Variants in DCAF12 observed in about 807,000 individuals in gnomAD.
The protein encoded by DCAF12 is DDB1 and CUL4 associated factor 12.
DCAF12 carries 28 observed loss-of-function variants against 52.8 expected under a neutral mutation model. The ratio of observed to expected loss-of-function variants is 0.53; its 90% CI spans 0.39 to 0.73. DCAF12 has a LOEUF of 0.73. DCAF12 is among the 30% of genes least tolerant of loss of function. The pLI is 0.00. For synonymous variants in DCAF12, 196 were observed against 215.5 expected, an observed-to-expected ratio of 0.91 and a Z score of 0.79; for missense variants, 425 against 552.2, an observed-to-expected ratio of 0.77 and a Z score of 2.31.
chr9:34,125,421 A>G (rs1329184944), intron 1 of DCAF12, 144 bp from the exon 2 acceptor site: 1 of 990,368 alleles, frequency 1.0e-6, no homozygotes. Flanking sequence ...CAAGAATCTC[A>G]ATCCAGAAAG....
chr9:34,114,399 C>T (rs934092274), intron 2 of DCAF12, among the ~76,000 whole-genome samples: 5 of 152,124 alleles, frequency 3.3e-5, no homozygotes, highest in African/African-American at 4.8e-5. Flanking sequence ...CTTGTCTCTA[C>T]TAAAAATCCA....
intron 2 of DCAF12, among the ~76,000 whole-genome samples, chr9:34,114,983 A>G (rs1829062219): frequency 6.6e-6 from 1 of 152,084 alleles, no homozygotes; most frequent in Non-Finnish European, 1.5e-5. Flanking sequence ...CAAAAAACAC[A>G]AAAACAAAAA....
Position 34,103,654 on chromosome 9 carries a change from C to T in DCAF12, c.601+2780G>A, listed in dbSNP as rs1480554114. Among the ~76,000 whole-genome samples, 30 of 151,966 alleles carry T rather than the reference C, an allele frequency of 2.0e-4. 2 individuals carry two copies. Among genetic ancestry groups the T allele is most frequent in the Admixed American group, 2.0e-3 (30 of 15,228 alleles). On this transcript the variant is annotated intron_variant, in intron 4 of 8. Coordinates refer to ENST00000361264, the MANE Select transcript of DCAF12 (RefSeq NM_015397.4). ...GGATCGCTTGAGCCTAGGAGTTTGA[C>T]AGCAGCCTGGGCAACAAAGCGAGAC...
chr9:34,113,988 G>C (rs929379960), intron 2 of DCAF12, among the ~76,000 whole-genome samples: 5 of 151,966 alleles, frequency 3.3e-5, no homozygotes, highest in Non-Finnish European at 7.4e-5. Flanking sequence ...GGTACCTGTA[G>C]TCCCAGCTAC....
At chr9:34,115,815 C>A (rs899924356) in intron 2 of DCAF12, among the ~76,000 whole-genome samples, 2 of 152,068 alleles carry the variant, frequency 1.3e-5, no homozygotes, top group Non-Finnish European at 2.9e-5. Flanking sequence ...TGGGCTCAGG[C>A]AATCCTCCCG....
intron 2 of DCAF12, among the ~76,000 whole-genome samples, chr9:34,115,078 C>A (rs11788468): frequency 0.012 from 1,862 of 152,056 alleles, 10 homozygotes; most frequent in Non-Finnish European, 0.017. Context: ...AGTAATTCTA[C>A]GCAGGTCACA....
intron 2 of DCAF12, among the ~76,000 whole-genome samples, chr9:34,115,784 C>T (rs1313476053): frequency 6.6e-6 from 1 of 151,754 alleles, no homozygotes. Context: ...CTTTGTTGCC[C>T]ATGTTGTAAT....
Position 34,125,258 on chromosome 9 carries a change from A to G in DCAF12, c.98T>C (p.Leu33Pro), listed in dbSNP as rs1187835339. Reference sequence around the variant, plus strand: ...AGGAGGAAGTCTTTTCCTTTTGTGAAGCGAGTGATCCCAGCCAAACTGTGG... The same window carrying G: ...AGGAGGAAGTCTTTTCCTTTTGTGAGGCGAGTGATCCCAGCCAAACTGTGG... ...QGPQFGWDHS[L>P]HKRKRLPPVK... Residue 33 changes from leucine (L) to proline (P), a missense_variant, in exon 2 of 9, where the codon CTT (leucine) becomes CCT (proline). Physicochemically the swap from Leu to Pro is moderately conservative, Grantham distance 98. Coordinates refer to ENST00000361264, the MANE Select transcript of DCAF12 (RefSeq NM_015397.4). 1.2e-6 allele frequency: 2 copies of G among 1,614,168 alleles called. No homozygotes were observed. Among genetic ancestry groups the G allele is most frequent in the Non-Finnish European group, 1.7e-6 (2 of 1,180,024 alleles).
At chr9:34,115,634 C>T (rs1033693299) in intron 2 of DCAF12, among the ~76,000 whole-genome samples, 1 of 150,936 alleles carries the variant, frequency 6.6e-6, no homozygotes, top group Non-Finnish European at 1.5e-5. Context: ...ATAGCAGGAC[C>T]CTATAGTCTC....
intron 5 of DCAF12, 25 bp from the exon 6 acceptor site, chr9:34,096,806 T>A: frequency 6.2e-7 from 1 of 1,605,774 alleles, no homozygotes; most frequent in Non-Finnish European, 8.5e-7. Context: ...AAAACCAGGT[T>A]ATATTATCAT....
At chr9:34,094,383 G>C (rs1208545632) in intron 6 of DCAF12, among the ~76,000 whole-genome samples, 2 of 151,776 alleles carry the variant, frequency 1.3e-5, no homozygotes, top group Non-Finnish European at 2.9e-5. Context: ...TCTAGCCTGG[G>C]CAACAAAGTG....
intron 4 of DCAF12, among the ~76,000 whole-genome samples, chr9:34,102,676 A>AACAACC (rs1286247719): frequency 1.3e-5 from 2 of 151,828 alleles, no homozygotes; most frequent in Non-Finnish European, 2.9e-5. Context: ...AAACAACAAC[A>AACAACC]AAAAACAAGA....
At chr9:34,103,095 CAAAAAAAAAAAAAA>C (rs34456166) in intron 4 of DCAF12, among the ~76,000 whole-genome samples, 13 of 100,200 alleles carry the variant, frequency 1.3e-4, no homozygotes, top group Admixed American at 9.4e-4. Context: ...ACCTTAACTC[CAAAAAAAAAAAAAA>C]AAAAAAAAAA....
At chr9:34,112,664 C>T (rs60261889) in intron 2 of DCAF12, among the ~76,000 whole-genome samples, 7 of 151,936 alleles carry the variant, frequency 4.6e-5, no homozygotes, top group African/African-American at 1.2e-4. Flanking sequence ...TTTGGGAGGC[C>T]GAGGAGGGCG....
rs765936913 is a variant in DCAF12 at position 34,096,691 on chromosome 9, AACCACAAAATC to A, written c.861+14_861+24del. The A allele has an allele frequency of 1.6e-5, 26 of 1,606,504 alleles. No individual in the cohort carries two copies. The South Asian group carries it at 2.8e-4, about 17-fold the overall frequency. On this transcript the variant is annotated intron_variant, in intron 6 of 8. Coordinates refer to ENST00000361264, the MANE Select transcript of DCAF12 (RefSeq NM_015397.4). ...AACTGTAAGGTGAATTATTAGGTAA[AACCACAAAATC>A]ATGTTCATCACACCTTAGATAGTGT...
chr9:34,098,225 T>C, intron 5 of DCAF12, 99 bp downstream of exon 5: 1 of 1,293,258 alleles, frequency 7.7e-7, no homozygotes, highest in Non-Finnish European at 1.1e-6. Context: ...CTCAGAACCA[T>C]GCTATGTAGC....
chr9:34,126,294 C>G, intron 1 of DCAF12, 60 bp downstream of exon 1: 5 of 1,592,124 alleles, frequency 3.1e-6, no homozygotes, highest in Non-Finnish European at 4.3e-6. Flanking sequence ...GATCTGCGGA[C>G]CCTAAGCCCA....
intron 7 of DCAF12, among the ~76,000 whole-genome samples, chr9:34,091,234 G>A (rs1349387200): frequency 6.6e-6 from 1 of 151,972 alleles, no homozygotes; most frequent in Non-Finnish European, 1.5e-5. Context: ...GGCTAAGGCA[G>A]GAGAATCGCT....
chr9:34,125,954 G>T (rs1319817070), intron 1 of DCAF12, among the ~76,000 whole-genome samples: 1 of 152,146 alleles, frequency 6.6e-6, no homozygotes, highest in African/African-American at 2.4e-5. Flanking sequence ...CATATAGGGA[G>T]ACTACTTCCT....
Sources: allele counts gnomAD v4.1 joint callset (sites outside exome capture counted in the v4.1 genomes callset), GRCh38; gene constraint gnomAD v4.1.1; transcripts MANE v1.5; gene names NCBI Gene and HGNC (gene_info 2026-07-23, HGNC 2026-07-21).